Variants in CCDC187 observed in about 807,000 individuals in gnomAD.
CCDC187 encodes coiled-coil domain containing 187.
CCDC187 carries 32 observed loss-of-function variants against 38.0 expected under a neutral mutation model. The observed-to-expected ratio is 0.84, with a 90% CI of 0.64 to 1.13. The LOEUF (loss-of-function observed/expected upper bound fraction) is 1.13, where lower values mean the gene tolerates loss of function less well. CCDC187 is among the 50% of genes most tolerant of loss of function. The pLI is 0.00. For missense variants in CCDC187, 707 were observed against 786.8 expected (o/e 0.90, Z 1.21); for synonymous variants, 333 against 347.9 (o/e 0.96, Z 0.48).
At chr9:136,282,579 TAC>T (rs1255678535) in intron 9 of CCDC187, among the ~76,000 whole-genome samples, 4 of 152,180 alleles carry the variant, frequency 2.6e-5, no homozygotes, top group Admixed American at 1.3e-4. Flanking sequence ...TGCTTCCTGG[TAC>T]ACAGTGACCC....
At chr9:136,306,316 C>T (rs1328157725), upstream of CCDC187, among the ~76,000 whole-genome samples, 1 of 152,212 alleles carries the variant, frequency 6.6e-6, no homozygotes, top group Non-Finnish European at 1.5e-5. Flanking sequence ...CCACACTGCT[C>T]TCTCCACTCC....
Position 136,254,442 on chromosome 9 carries a change from C to G in CCDC187, c.5386G>C (p.Gly1796Arg), listed in dbSNP as rs1049217820. The G allele has an allele frequency of 4.1e-6, 4 of 985,278 alleles. No homozygotes were observed. The African/African-American group carries it at 5.2e-5, about 13-fold the overall frequency. 61.0% of individuals were successfully genotyped at this position (985,278 alleles called of 1,614,324 possible). A position where few individuals can be genotyped will look rare whatever the true frequency, so the allele number is the denominator to read the frequency against. ...GGAGGAGCCACCTGGGGCTCCACGC[C>G]GCTTCCAAGGCCCAGTGAGCCACCT... ...PAGGSLGLGS[G>R]VEPQVAPPSP... The change falls in exon 26 of 26, where the codon GGC becomes CGC. Residue 1796 changes from glycine (G) to arginine (R), a missense_variant. By Grantham distance (125) the Gly-to-Arg change is moderately radical. Coordinates refer to ENST00000638797, the MANE Select transcript of CCDC187 (RefSeq NM_001378188.1).
intron 10 of CCDC187, chr9:136,281,051 C>G (rs1454433031): frequency 4.5e-6 from 1 of 221,780 alleles, no homozygotes; most frequent in Non-Finnish European, 8.8e-6. Flanking sequence ...GCTGCACCAG[C>G]CCCTCCAGCT....
At chr9:136,293,482 CACAA>C (rs1451083212) in intron 4 of CCDC187, among the ~76,000 whole-genome samples, 20 of 133,628 alleles carry the variant, frequency 1.5e-4, no homozygotes, top group Admixed American at 3.7e-4. Flanking sequence ...CTCACACACT[CACAA>C]ACACATGCTC....
chr9:136,301,688 G>T (rs1330187610), intron 2 of CCDC187, among the ~76,000 whole-genome samples: 1 of 147,314 alleles, frequency 6.8e-6, no homozygotes, highest in Non-Finnish European at 1.5e-5. Context: ...CTGGATTCAC[G>T]CCATTCTCCT....
At chr9:136,255,224 G>C (rs1384912551) in intron 25 of CCDC187, 90 bp from the exon 26 acceptor site, 2 of 609,200 alleles carry the variant, frequency 3.3e-6, no homozygotes, top group Non-Finnish European at 4.1e-6. Context: ...GGTCAGAACA[G>C]AGAAACACCC....
rs34263479 is a variant in CCDC187, at chr9:136,254,297, A to T, written c.5531T>A (p.Leu1844Gln). 12 of 984,600 alleles carry T rather than the reference A, an allele frequency of 1.2e-5. No individual in the cohort carries two copies. The highest frequency in any genetic ancestry group is 4.7e-5 in the South Asian group (1 of 21,236). 61.0% of individuals were successfully genotyped at this position (984,600 alleles called of 1,614,324 possible). Residue 1844 changes from leucine to glutamine, a missense_variant, in exon 26 of 26, where the codon CTG becomes CAG. Physicochemically the swap from Leu to Gln is moderately radical, Grantham distance 113. Transcript: ENST00000638797. ...GCTCTCGCTGGTCCCAGAAGCTTCC[A>T]GCCCCTCCCCAGGCCATGGGGACGG... is the stretch of plus-strand genomic sequence containing the variant. ...ALPSPWPGEG[L>Q]EASGTSESLM...
intron 9 of CCDC187, among the ~76,000 whole-genome samples, chr9:136,282,543 G>A (rs1046558452): frequency 2.0e-5 from 3 of 152,164 alleles, no homozygotes; most frequent in Admixed American, 6.5e-5. Context: ...ACCTCACTTC[G>A]CATTTCTTAT....
chr9:136,284,549 G>C (rs1588664153), intron 9 of CCDC187, among the ~76,000 whole-genome samples: 1 of 152,174 alleles, frequency 6.6e-6, no homozygotes, highest in South Asian at 2.1e-4. Context: ...AGGGGTGAGA[G>C]TGGCCGGGAG....
Position 136,251,708 on chromosome 9 carries a change from G to C in CCDC187, c.*1886C>G, listed in dbSNP as rs1410453150. 6 of 154,620 alleles carry C rather than the reference G, an allele frequency of 3.9e-5. No homozygotes were observed. Among genetic ancestry groups the C allele is most frequent in the Non-Finnish European group, 7.2e-5 (5 of 68,994 alleles). 9.6% of individuals were successfully genotyped at this position (154,620 alleles called of 1,614,324 possible). A position where few individuals can be genotyped will look rare whatever the true frequency, so the allele number is the denominator to read the frequency against. ...GTTCCTGCTCTTGGCGACTCTGACTGTTCTTGCCTCTGGGCTGCAACGCCT... is the reference window on the plus strand; with the variant it reads ...GTTCCTGCTCTTGGCGACTCTGACTCTTCTTGCCTCTGGGCTGCAACGCCT... On this transcript the variant is annotated 3_prime_UTR_variant, in exon 26 of 26. Coordinates refer to ENST00000638797, the MANE Select transcript of CCDC187 (RefSeq NM_001378188.1).
chr9:136,285,035 G>A (rs1225313642), intron 9 of CCDC187, among the ~76,000 whole-genome samples: 6 of 152,100 alleles, frequency 3.9e-5, no homozygotes, highest in African/African-American at 9.7e-5. Flanking sequence ...CAGTGTCCCC[G>A]GGAAGGGGCT....
In CCDC187 at chr9:136,251,601, C is replaced by T. The variant is rs1301095901; in HGVS notation, c.*1993G>A. On this transcript the variant is annotated 3_prime_UTR_variant, in exon 26 of 26. Coordinates refer to ENST00000638797, the MANE Select transcript of CCDC187 (RefSeq NM_001378188.1). The stretch of plus-strand genomic sequence containing the variant: ...GGCCCACCCCAGCTCTTCTTTTCCC[C>T]AGATGTTCTCTCTTCCTCTCTTGGC... 1.3e-5 allele frequency: 2 copies of T among 157,918 alleles called. No individual in the cohort carries two copies. The highest frequency in any genetic ancestry group is 1.2e-4 in the Admixed American group (2 of 16,548). The allele number at this position is 157,918 out of a possible 1,614,324, so 9.8% of individuals were successfully genotyped here.
rs1190253252 is a variant in CCDC187, at chr9:136,250,991, C to G, written c.*2603G>C. The G allele has an allele frequency of 1.3e-5, 6 of 456,098 alleles. No individual in the cohort carries two copies. Among genetic ancestry groups the G allele is most frequent in the African/African-American group, 4.0e-5 (2 of 50,090 alleles). The allele number at this position is 456,098 out of a possible 1,614,324, so 28.3% of individuals were successfully genotyped here. On this transcript the variant is annotated 3_prime_UTR_variant, in exon 26 of 26. Transcript: ENST00000638797. ...CAGCTCCGTGTGTCCTGTGACCTGGCATCTTAGGGCTTTGCCACGCCAGCT... is the reference window on the plus strand; with the variant it reads ...CAGCTCCGTGTGTCCTGTGACCTGGGATCTTAGGGCTTTGCCACGCCAGCT...
At chr9:136,292,679 T>C (rs1318598827) in intron 4 of CCDC187, among the ~76,000 whole-genome samples, 2 of 151,954 alleles carry the variant, frequency 1.3e-5, no homozygotes, top group African/African-American at 2.4e-5. Context: ...GCAGCTGGAG[T>C]GACAACCGCG....
In CCDC187 at chr9:136,257,909, C is replaced by T. The variant is rs1198676262; in HGVS notation, c.4366+1023G>A. 3.3e-5 allele frequency among the ~76,000 whole-genome samples: 5 copies of T among 152,316 alleles called. No homozygotes were observed. The highest frequency in any genetic ancestry group is 7.4e-5 in the Non-Finnish European group (5 of 68,022). ...CAGACTCAGGGTGAACCCTAGACCA[C>T]GTGAGAACATAAGTCAGGCCTCAGG... On this transcript the variant is annotated intron_variant, in intron 22 of 25. Coordinates refer to ENST00000638797, the MANE Select transcript of CCDC187 (RefSeq NM_001378188.1). This position sits in a 1 kb window ranked among gnomAD's most constrained non-coding sequence, Gnocchi z 4.5.
intron 16 of CCDC187, 38 bp downstream of exon 16, chr9:136,267,346 A>C: frequency 1.0e-6 from 1 of 969,848 alleles, no homozygotes; most frequent in Non-Finnish European, 1.2e-6. Context: ...GGGCGGGGCT[A>C]CGGCGGGGCG....
In CCDC187 at chr9:136,253,677, T is replaced by C. The variant is rs1219691757; in HGVS notation, c.6151A>G (p.Thr2051Ala). ...TCAGACAAGGAGGACAAATCCTGGG[T>C]GGTGATGGCGGTGTCCTCCTCAAGG... ...GPLEEDTAIT[T>A]QDLSSLSEES... Residue 2051 changes from threonine to alanine, a missense_variant, in exon 26 of 26, where the codon ACC becomes GCC. Physicochemically the swap from Thr to Ala is moderately conservative, Grantham distance 58. Transcript: ENST00000638797. 5.2e-5 allele frequency: 51 copies of C among 985,228 alleles called. No individual in the cohort carries two copies. The highest frequency in any genetic ancestry group is 5.9e-5 in the Non-Finnish European group (49 of 829,926). The allele number at this position is 985,228 out of a possible 1,614,324, so 61.0% of individuals were successfully genotyped here.
intron 10 of CCDC187, 197 bp downstream of exon 10, chr9:136,281,354 G>C: frequency 2.5e-6 from 1 of 398,418 alleles, no homozygotes; most frequent in East Asian, 3.6e-5. Context: ...CTGCAGGTGT[G>C]GTGAGCACAG....
At chr9:136,259,761 C>A (rs782456362) in intron 20 of CCDC187, among the ~76,000 whole-genome samples, 1 of 152,226 alleles carries the variant, frequency 6.6e-6, no homozygotes, top group Non-Finnish European at 1.5e-5. Flanking sequence ...GTTTCTGGGA[C>A]CTGCCTGGCA....
Sources: allele counts gnomAD v4.1 joint callset (sites outside exome capture counted in the v4.1 genomes callset), GRCh38; gene constraint gnomAD v4.1.1; non-coding constraint Gnocchi (gnomAD v3.1); transcripts MANE v1.5; gene names NCBI Gene and HGNC (gene_info 2026-07-23, HGNC 2026-07-21).